ZSCAN18: variants seen among roughly 807,000 people sequenced by gnomAD.
ZSCAN18 encodes zinc finger and SCAN domain containing 18.
In ZSCAN18, 16 loss-of-function variants were observed where a neutral mutation model predicts 31.1. The ratio of observed to expected loss-of-function variants is 0.51; its 90% CI spans 0.35 to 0.78. The LOEUF (loss-of-function observed/expected upper bound fraction) is 0.78. Ranked by LOEUF, ZSCAN18 falls within the 30% of genes least tolerant of loss-of-function variation. ZSCAN18 has a pLI of 0.01. For missense variants in ZSCAN18, 731 were observed against 697.4 expected, an observed-to-expected ratio of 1.05 and a Z score of -0.54; for synonymous variants, 375 against 320.7, an observed-to-expected ratio of 1.17 and a Z score of -1.81.
chr19:58,088,892 CA>C (rs1489975579), intron 2 of ZSCAN18, 55 bp from the exon 3 acceptor site: 1 of 1,557,264 alleles, frequency 6.4e-7, no homozygotes, highest in African/African-American at 1.4e-5. Flanking sequence ...GTGCCAACAA[CA>C]ATCACACAGT....
rs1020265761 is a variant in ZSCAN18, at chr19:58,090,988, G to C, written c.-119-602C>G. Among the ~76,000 whole-genome samples, 8 of 151,954 alleles carry C rather than the reference G, an allele frequency of 5.3e-5. No individual in the cohort carries two copies. Among genetic ancestry groups the C allele is most frequent in the Non-Finnish European group, 1.0e-4 (7 of 67,988 alleles). On this transcript the variant is annotated intron_variant, in intron 1 of 6. Transcript: ENST00000601144. The surrounding 1 kb of genome is among the most constrained non-coding windows in gnomAD (Gnocchi z 4.7). ...ACCTGGATGTAAAAACCTTGAAATA[G>C]GCCAGGCGCGGTGGCTCACGCCCAT...
At chr19:58,117,719 G>GAAA (rs34961124) in intron 1 of ZSCAN18, among the ~76,000 whole-genome samples, 1 of 138,730 alleles carries the variant, frequency 7.2e-6, no homozygotes, top group Non-Finnish European at 1.5e-5. Context: ...GTGCCCGCAG[G>GAAA]AAAAAAAAAA....
chr19:58,102,091 T>C (rs2074598822), upstream of ZSCAN18, among the ~76,000 whole-genome samples: 1 of 152,076 alleles, frequency 6.6e-6, no homozygotes, highest in Non-Finnish European at 1.5e-5. Context: ...CCAAAAGGTA[T>C]TTCAGTATAA....
chr19:58,087,811 T>C, intron 3 of ZSCAN18: 1 of 166,774 alleles, frequency 6.0e-6, no homozygotes, highest in Non-Finnish European at 1.3e-5. Context: ...GGCTAATTTT[T>C]GTATTTTTTG....
chr19:58,103,409 C>G (rs1405155904), intron 1 of ZSCAN18, among the ~76,000 whole-genome samples: 2 of 152,168 alleles, frequency 1.3e-5, no homozygotes, highest in African/African-American at 4.8e-5. Context: ...AGCATATGCT[C>G]TCTGTGTCTC....
At chr19:58,108,101 T>C in intron 1 of ZSCAN18, 1 of 990,750 alleles carries the variant, frequency 1.0e-6, no homozygotes, top group Non-Finnish European at 1.2e-6. Flanking sequence ...TGAGATTTCT[T>C]TCCAGAATGA....
chr19:58,087,512 G>C, intron 3 of ZSCAN18, 108 bp from the exon 4 acceptor site: 2 of 938,698 alleles, frequency 2.1e-6, no homozygotes, highest in South Asian at 3.2e-5. Context: ...GTGTGCTTCT[G>C]TGACAGCAGC....
chr19:58,102,461 A>AAAACAAACAAAC (rs75475027), upstream of ZSCAN18, among the ~76,000 whole-genome samples: 9 of 147,102 alleles, frequency 6.1e-5, no homozygotes, highest in African/African-American at 2.0e-4. Flanking sequence ...ACTCCATCTC[A>AAAACAAACAAAC]AAACAAACAA....
In ZSCAN18 at chr19:58,095,956, C is replaced by G. The variant is rs116219639; in HGVS notation, c.-120+2218G>C. Among the ~76,000 whole-genome samples, 1,372 of 152,296 alleles carry G rather than the reference C, an allele frequency of 9.0e-3. 18 individuals are homozygous for G. The highest frequency in any genetic ancestry group is 0.03 in the African/African-American group (1,265 of 41,564). On this transcript the variant is annotated intron_variant, in intron 1 of 6. Coordinates refer to ENST00000601144, the MANE Select transcript of ZSCAN18 (RefSeq NM_001145543.2). ...TGTTCATCTCCCTTCCTACTGGGACCCTGATGCTCACAGCCAGGAGGATGA... is the reference window on the plus strand; with the variant it reads ...TGTTCATCTCCCTTCCTACTGGGACGCTGATGCTCACAGCCAGGAGGATGA...
At chr19:58,118,331 G>T (rs749261842) in exon 1 of ZSCAN18, 1 of 1,531,824 alleles carries the variant, frequency 6.5e-7, no homozygotes, top group Non-Finnish European at 8.8e-7. Context: ...GAGAGGCCGC[G>T]AGAGGACGGA....
At chr19:58,111,343 C>T (rs1244075341) in intron 1 of ZSCAN18, among the ~76,000 whole-genome samples, 4 of 151,846 alleles carry the variant, frequency 2.6e-5, no homozygotes, top group Non-Finnish European at 4.4e-5. Flanking sequence ...TAAAACTGAA[C>T]CCCCCGAAAA....
chr19:58,107,594 G>A (rs770235937), intron 1 of ZSCAN18: 52 of 887,408 alleles, frequency 5.9e-5, no homozygotes, highest in Admixed American at 4.3e-4. Context: ...TGCACCATGC[G>A]GTAAACACAT....
chr19:58,111,325 T>C (rs2074681699), intron 1 of ZSCAN18, among the ~76,000 whole-genome samples: 1 of 152,114 alleles, frequency 6.6e-6, no homozygotes, highest in Non-Finnish European at 1.5e-5. Flanking sequence ...CATGGTTGTT[T>C]GCATGGTTAA....
intron 2 of ZSCAN18, among the ~76,000 whole-genome samples, chr19:58,089,339 GAGGCT>G (rs1279965912): frequency 2.0e-5 from 2 of 99,308 alleles, no homozygotes; most frequent in Non-Finnish European, 4.0e-5. Flanking sequence ...AAAAAAAAAA[GAGGCT>G]GGGCTGGGTG....
chr19:58,117,557 G>C (rs2146034086), intron 1 of ZSCAN18, among the ~76,000 whole-genome samples: 1 of 152,224 alleles, frequency 6.6e-6, no homozygotes, highest in South Asian at 2.1e-4. Context: ...AGGATGAAAA[G>C]TGGGGAAAGC....
At chr19:58,116,954 C>G (rs1370647824) in intron 1 of ZSCAN18, among the ~76,000 whole-genome samples, 2 of 152,180 alleles carry the variant, frequency 1.3e-5, no homozygotes, top group Non-Finnish European at 2.9e-5. Flanking sequence ...GTGGCATGAT[C>G]TTGGCTCACC....
At chr19:58,113,009 T>C (rs1335269934) in intron 1 of ZSCAN18, among the ~76,000 whole-genome samples, 1 of 136,610 alleles carries the variant, frequency 7.3e-6, no homozygotes, top group African/African-American at 2.7e-5. Flanking sequence ...AGAAACACAA[T>C]TTTCACATAA....
chr19:58,118,216 G>C, intron 1 of ZSCAN18: 1 of 913,342 alleles, frequency 1.1e-6, no homozygotes, highest in Non-Finnish European at 1.6e-6. Flanking sequence ...CAGAAAGAGC[G>C]ACCACGCAGC....
At chr19:58,091,853 C>G (rs1236571908) in intron 1 of ZSCAN18, among the ~76,000 whole-genome samples, 2 of 152,124 alleles carry the variant, frequency 1.3e-5, no homozygotes, top group Non-Finnish European at 2.9e-5. Flanking sequence ...ACAGAGACAG[C>G]TGGAAGGGGA....
Sources: gnomAD v4.1 joint callset for allele counts (sites outside exome capture counted in the v4.1 genomes callset) on GRCh38, gnomAD v4.1.1 for gene constraint, Gnocchi (gnomAD v3.1) non-coding constraint, MANE v1.5 for transcripts, NCBI Gene and HGNC (gene_info 2026-07-23, HGNC 2026-07-21) for gene names.